Variants in ELL observed in about 807,000 individuals in gnomAD.
The protein encoded by ELL is RNA polymerase II elongation factor ELL.
In ELL, 18 loss-of-function variants were observed where a neutral mutation model predicts 64.0. The observed-to-expected ratio is 0.28, with a 90% CI of 0.19 to 0.42. The LOEUF (loss-of-function observed/expected upper bound fraction) is 0.42. Among genes scored for constraint, ELL ranks in the 10% least tolerant of loss-of-function variants. The probability of loss-of-function intolerance (pLI) is 1.00; values close to 1 mark genes in which losing one functional copy is unlikely to be tolerated. For synonymous variants in ELL, 399 were observed against 376.2 expected, an observed-to-expected ratio of 1.06 and a Z score of -0.70; for missense variants, 797 against 870.4, an observed-to-expected ratio of 0.92 and a Z score of 1.06.
intron 1 of ELL, among the ~76,000 whole-genome samples, chr19:18,515,721 G>T (rs914150455): frequency 4.6e-5 from 7 of 152,122 alleles, no homozygotes; most frequent in Admixed American, 6.5e-5. Flanking sequence ...TCTTGGGGAC[G>T]CGGAAAGTTG....
chr19:18,511,738 G>T (rs1179497501), intron 1 of ELL, among the ~76,000 whole-genome samples: 1 of 152,098 alleles, frequency 6.6e-6, no homozygotes, highest in Non-Finnish European at 1.5e-5. Flanking sequence ...CAGGAAGCTG[G>T]CCAGGCACAG....
rs543245797 is a variant in ELL at position 18,504,476 on chromosome 19, A to G, written c.135+17445T>C. Reference sequence around the variant, plus strand: ...TGTACATCTCATCCCTGTCACGTTCATCTCTGCCTGGGAGGAAGGGGAAGT... The same window carrying G: ...TGTACATCTCATCCCTGTCACGTTCGTCTCTGCCTGGGAGGAAGGGGAAGT... On this transcript the variant is annotated intron_variant, in intron 1 of 11. Transcript: ENST00000262809. 5.3e-5 allele frequency among the ~76,000 whole-genome samples: 8 copies of G among 152,258 alleles called. No homozygotes were observed. The South Asian group carries it at 1.7e-3, about 32-fold the overall frequency.
chr19:18,495,791 G>C (rs1236950731), intron 1 of ELL, among the ~76,000 whole-genome samples: 3 of 152,218 alleles, frequency 2.0e-5, no homozygotes, highest in Non-Finnish European at 4.4e-5. Context: ...ACGCGCCTCA[G>C]CTTCCCAATA....
At chr19:18,451,251 G>A (rs1974527402) in intron 7 of ELL, among the ~76,000 whole-genome samples, 1 of 152,228 alleles carries the variant, frequency 6.6e-6, no homozygotes. Context: ...TGCTCAGCAT[G>A]CTTCCCCAGT....
intron 1 of ELL, 128 bp from the exon 2 acceptor site, chr19:18,473,010 GAAATGCA>G (rs1975097775): frequency 6.2e-6 from 7 of 1,121,102 alleles, no homozygotes; most frequent in Non-Finnish European, 8.7e-6. Flanking sequence ...GAGGGGAAAG[GAAATGCA>G]CACACTCTGA....
chr19:18,472,284 T>C lies in ELL; in HGVS notation c.183+551A>G, dbSNP rs141945613. ...GGCCAGAAGACAATTTTTCTATGGA[T>C]GGTGGAAGGGGGACAGGGAGCCATA... On this transcript the variant is annotated intron_variant, in intron 2 of 11. Coordinates refer to ENST00000262809, the MANE Select transcript of ELL (RefSeq NM_006532.4). The C allele has an allele frequency of 4.5e-3, 681 of 152,464 alleles. 6 individuals carry two copies. Among genetic ancestry groups the C allele is most frequent in the Middle Eastern group, 6.8e-3 (2 of 292 alleles). The allele number at this position is 152,464 out of a possible 1,614,324, so 9.4% of individuals were successfully genotyped here.
chr19:18,511,811 G>C (rs893391623), intron 1 of ELL, among the ~76,000 whole-genome samples: 2 of 151,750 alleles, frequency 1.3e-5, no homozygotes, highest in African/African-American at 4.8e-5. Context: ...TTGAGCCCAG[G>C]AGTTCGAGAC....
chr19:18,491,886 C>G (rs576910220), intron 1 of ELL, among the ~76,000 whole-genome samples: 1 of 152,222 alleles, frequency 6.6e-6, no homozygotes, highest in Non-Finnish European at 1.5e-5. Flanking sequence ...GTGTGAGACC[C>G]AGTCTAAAAA....
At chr19:18,504,938 G>A (rs1975851914) in intron 1 of ELL, among the ~76,000 whole-genome samples, 1 of 152,190 alleles carries the variant, frequency 6.6e-6, no homozygotes, top group African/African-American at 2.4e-5. Flanking sequence ...CTGCGCACAG[G>A]AGGCTCTCAG....
At chr19:18,459,770 C>T (rs1373355587) in intron 5 of ELL, among the ~76,000 whole-genome samples, 2 of 152,046 alleles carry the variant, frequency 1.3e-5, no homozygotes, top group African/African-American at 4.8e-5. Flanking sequence ...TCGTAATCCA[C>T]TTGCCTCGGC....
chr19:18,470,310 G>A (rs1203875240), intron 2 of ELL, among the ~76,000 whole-genome samples: 2 of 152,248 alleles, frequency 1.3e-5, no homozygotes, highest in Non-Finnish European at 2.9e-5. Context: ...GTCATCTGAC[G>A]GGCTCGCTGA....
chr19:18,463,918 G>A (rs1274499648), intron 4 of ELL, among the ~76,000 whole-genome samples: 3 of 151,816 alleles, frequency 2.0e-5, no homozygotes, highest in East Asian at 1.9e-4. Context: ...CCCGGGAGGC[G>A]GAGGTTGCAG....
intron 2 of ELL, among the ~76,000 whole-genome samples, chr19:18,467,968 C>A (rs1191658069): frequency 2.1e-5 from 3 of 145,374 alleles, no homozygotes; most frequent in Admixed American, 6.9e-5. Flanking sequence ...CATACAACCA[C>A]CCCGACAGCA....
At position 18,503,207 on chromosome 19, in the gene ELL, C is replaced by A. The variant is rs1005413100; in HGVS notation, c.135+18714G>T. Among the ~76,000 whole-genome samples the A allele has an allele frequency of 9.9e-4, 150 of 152,222 alleles. 2 individuals carry two copies. The highest frequency in any genetic ancestry group is 9.7e-3 in the Admixed American group (149 of 15,286). On this transcript the variant is annotated intron_variant, in intron 1 of 11. Coordinates refer to ENST00000262809, the MANE Select transcript of ELL (RefSeq NM_006532.4). ...GTGGTCTGGAGAGTGTCCAGTGGCA[C>A]CGCCCGCCCAGCAGTCAGGGCCGCG...
intron 1 of ELL, among the ~76,000 whole-genome samples, chr19:18,489,900 C>A (rs1246776155): frequency 6.6e-6 from 1 of 152,116 alleles, no homozygotes; most frequent in Non-Finnish European, 1.5e-5. Context: ...ACCCCTGGGG[C>A]TGATGGCCTA....
intron 1 of ELL, among the ~76,000 whole-genome samples, chr19:18,481,761 T>C (rs1355789067): frequency 6.6e-6 from 1 of 152,248 alleles, no homozygotes; most frequent in Non-Finnish European, 1.5e-5. Context: ...ATTTGCTGGA[T>C]GAAGGACACA....
At chr19:18,505,250 C>T (rs1247635320) in intron 1 of ELL, among the ~76,000 whole-genome samples, 1 of 152,230 alleles carries the variant, frequency 6.6e-6, no homozygotes, top group Non-Finnish European at 1.5e-5. Context: ...TGCCACAGCT[C>T]ACCCAACAGC....
intron 6 of ELL, among the ~76,000 whole-genome samples, chr19:18,455,272 C>T (rs1004178997): frequency 6.6e-6 from 1 of 151,704 alleles, no homozygotes; most frequent in East Asian, 1.9e-4. Flanking sequence ...GCGGGTGGAT[C>T]ATGAGGTCAG....
At chr19:18,493,798 G>A (rs886321744) in intron 1 of ELL, among the ~76,000 whole-genome samples, 6 of 152,212 alleles carry the variant, frequency 3.9e-5, no homozygotes, top group Admixed American at 6.5e-5. Flanking sequence ...CTCATGGCCC[G>A]GGAAAGGCCT....
Sources: allele counts gnomAD v4.1 joint callset (sites outside exome capture counted in the v4.1 genomes callset), GRCh38; gene constraint gnomAD v4.1.1; transcripts MANE v1.5; gene names NCBI Gene and HGNC (gene_info 2026-07-23, HGNC 2026-07-21).